CORIN: variants seen among roughly 807,000 people sequenced by gnomAD.
The protein encoded by CORIN is atrial natriuretic peptide-converting enzyme.
In CORIN, 117 loss-of-function variants were observed where a neutral mutation model predicts 125.3. That is an observed-to-expected ratio of 0.93 (90% confidence interval 0.80 to 1.09). CORIN has a LOEUF of 1.09. CORIN is among the 50% of genes least tolerant of loss of function. CORIN has a pLI of 0.00. For missense variants in CORIN, 1,253 were observed against 1,306.7 expected (o/e 0.96, Z 0.63); for synonymous variants, 450 against 466.4 (o/e 0.96, Z 0.45).
At chr4:47,719,127 C>T (rs1727235886) in intron 5 of CORIN, among the ~76,000 whole-genome samples, 1 of 152,186 alleles carries the variant, frequency 6.6e-6, no homozygotes, top group South Asian at 2.1e-4. Context: ...AAATTTACAT[C>T]TCCAAATTAT....
At position 47,603,487 on chromosome 4, in the gene CORIN, C is replaced by A. The variant is rs199593148; in HGVS notation, c.2722G>T (p.Val908Phe). ...GGGTTGGGCAAGCAGACAGGCCGGA[C>A]GTAGCCAGTCTCACTGATGTCTTCA... ...LSEDISETGYVRPVCLPNPEQ... is the reference protein window; with the variant it reads ...LSEDISETGYFRPVCLPNPEQ... Residue 908 changes from valine (V) to phenylalanine (F), a missense_variant, in exon 20 of 22, where the codon GTC (valine) becomes TTC (phenylalanine). Coordinates refer to ENST00000273857, the MANE Select transcript of CORIN (RefSeq NM_006587.4). 2 of 1,614,050 alleles carry A rather than the reference C, an allele frequency of 1.2e-6. No homozygotes were observed. The highest frequency in any genetic ancestry group is 1.7e-6 in the Non-Finnish European group (2 of 1,180,038).
At chr4:47,694,830 GA>G (rs1560508921) in intron 5 of CORIN, among the ~76,000 whole-genome samples, 1 of 151,836 alleles carries the variant, frequency 6.6e-6, no homozygotes, top group Non-Finnish European at 1.5e-5. Context: ...ATCCCTAATA[GA>G]ACAATATATT....
intron 2 of CORIN, among the ~76,000 whole-genome samples, chr4:47,796,298 C>A (rs1731286791): frequency 6.6e-6 from 1 of 152,004 alleles, no homozygotes; most frequent in Non-Finnish European, 1.5e-5. Context: ...AAAATCTTAT[C>A]ACTTGTGGCA....
intron 20 of CORIN, among the ~76,000 whole-genome samples, chr4:47,602,734 G>A (rs1721493621): frequency 6.6e-6 from 1 of 152,146 alleles, no homozygotes; most frequent in Non-Finnish European, 1.5e-5. Context: ...TCTGAGCTTG[G>A]CCATTTTAAA....
chr4:47,615,876 A>T (rs1323293531), intron 19 of CORIN, among the ~76,000 whole-genome samples: 1 of 152,176 alleles, frequency 6.6e-6, no homozygotes, highest in Non-Finnish European at 1.5e-5. Flanking sequence ...TAGCATTAGG[A>T]TGGGAGAGAT....
intron 5 of CORIN, among the ~76,000 whole-genome samples, chr4:47,730,451 C>A (rs996336341): frequency 6.0e-4 from 81 of 134,102 alleles, no homozygotes; most frequent in African/African-American, 1.9e-3. Flanking sequence ...CCAGCCTGGG[C>A]GACAGAGCGA....
intron 16 of CORIN, among the ~76,000 whole-genome samples, chr4:47,632,766 G>GATAA (rs746921612): frequency 4.7e-5 from 3 of 63,408 alleles, no homozygotes; most frequent in Non-Finnish European, 6.5e-5. Context: ...TAGATAGATA[G>GATAA]AGATAGATAG....
chr4:47,708,114 C>T (rs1269435984), intron 5 of CORIN, among the ~76,000 whole-genome samples: 1 of 152,142 alleles, frequency 6.6e-6, no homozygotes, highest in Non-Finnish European at 1.5e-5. Flanking sequence ...CTGTTAATAT[C>T]AATGCTCAAG....
intron 5 of CORIN, among the ~76,000 whole-genome samples, chr4:47,736,909 G>A (rs1402236103): frequency 6.6e-6 from 1 of 152,262 alleles, no homozygotes; most frequent in Non-Finnish European, 1.5e-5. Context: ...GGGGCCAGGT[G>A]AGCAGTGAAA....
chr4:47,613,085 C>T (rs528194548), intron 19 of CORIN, among the ~76,000 whole-genome samples: 1 of 152,284 alleles, frequency 6.6e-6, no homozygotes, highest in African/African-American at 2.4e-5. Flanking sequence ...GTGCCAAATT[C>T]TGATACTACC....
chr4:47,753,192 CT>C lies in CORIN; in HGVS notation c.618-8610del, dbSNP rs561121592. On this transcript the variant is annotated intron_variant, in intron 4 of 21. Coordinates refer to ENST00000273857, the MANE Select transcript of CORIN (RefSeq NM_006587.4). ...AAAACCAGCAGGTTTTTATTAAGGACTTTAAAAGGGGTGGGGGTGTACGAAC... is the reference window on the plus strand; with the variant it reads ...AAAACCAGCAGGTTTTTATTAAGGACTTAAAAGGGGTGGGGGTGTACGAAC... Among the ~76,000 whole-genome samples the C allele has an allele frequency of 7.2e-5, 11 of 152,096 alleles. No individual in the cohort carries two copies. The East Asian group carries it at 2.1e-3, about 29-fold the overall frequency.
chr4:47,783,914 C>T (rs1730666683), intron 3 of CORIN, among the ~76,000 whole-genome samples: 1 of 151,996 alleles, frequency 6.6e-6, no homozygotes, highest in Non-Finnish European at 1.5e-5. Flanking sequence ...TCTCCCAGAA[C>T]TTAAAATTTG....
intron 5 of CORIN, among the ~76,000 whole-genome samples, chr4:47,734,427 T>C (rs1728030161): frequency 6.6e-6 from 1 of 152,228 alleles, no homozygotes; most frequent in Admixed American, 6.5e-5. Context: ...TTCCGTCCCC[T>C]TTGCTAAGTA....
intron 19 of CORIN, among the ~76,000 whole-genome samples, chr4:47,609,807 C>A (rs1272447378): frequency 6.6e-6 from 1 of 152,128 alleles, no homozygotes; most frequent in Non-Finnish European, 1.5e-5. Flanking sequence ...ACTATGTGTC[C>A]ATGTGTTCTC....
intron 5 of CORIN, among the ~76,000 whole-genome samples, chr4:47,725,564 TCCATTTGGAAAAGGAAAAAAATA>T: frequency 6.6e-6 from 1 of 152,078 alleles, no homozygotes; most frequent in East Asian, 1.9e-4. Flanking sequence ...CAAATGGACA[TCCATTTGGAAAAGGAAAAAAATA>T]CCACTTGACC....
At chr4:47,748,717 A>G (rs1728771004) in intron 4 of CORIN, among the ~76,000 whole-genome samples, 2 of 152,194 alleles carry the variant, frequency 1.3e-5, no homozygotes, top group African/African-American at 4.8e-5. Context: ...AAGTTCTGAT[A>G]AGGACATAAA....
At chr4:47,744,282 T>C (rs1728554117) in intron 5 of CORIN, 120 bp downstream of exon 5, 1 of 941,650 alleles carries the variant, frequency 1.1e-6, no homozygotes, top group Middle Eastern at 3.5e-4. Flanking sequence ...TCTGGTTACA[T>C]GGATCTTGTC....
intron 4 of CORIN, among the ~76,000 whole-genome samples, chr4:47,760,981 C>G (rs1371169199): frequency 6.6e-6 from 1 of 152,222 alleles, no homozygotes; most frequent in Non-Finnish European, 1.5e-5. Flanking sequence ...CCTCTTCCAG[C>G]CTTCACAAAA....
Position 47,786,805 on chromosome 4 carries a change from G to C in CORIN, c.329C>G (p.Ser110Cys). 6.2e-7 allele frequency: 1 copy of C among 1,614,120 alleles called. No homozygotes were observed. Among genetic ancestry groups the C allele is most frequent in the East Asian group, 2.2e-5 (1 of 44,882 alleles). ...NTIYNQSTVV[S>C]TAHPDQHVPA... ...AACGTGTTGGTCGGGATGTGCAGTA[G>C]ACACCACAGTGCTCTGGTTATAAAT... is the stretch of plus-strand genomic sequence containing the variant. Residue 110 changes from serine to cysteine, a missense_variant, in exon 3 of 22, where the codon TCT becomes TGT. Transcript: ENST00000273857.
Sources: gnomAD v4.1 joint callset for allele counts (sites outside exome capture counted in the v4.1 genomes callset) on GRCh38, gnomAD v4.1.1 for gene constraint, MANE v1.5 for transcripts, NCBI Gene and HGNC (gene_info 2026-07-23, HGNC 2026-07-21) for gene names.